The following QRICH1 variants were observed in gnomAD, a reference collection of about 807,000 sequenced individuals.
QRICH1 encodes the protein glutamine rich 1.
QRICH1 carries 16 observed loss-of-function variants against 87.1 expected under a neutral mutation model. That is an observed-to-expected ratio of 0.18 (90% CI 0.12 to 0.28). QRICH1 has a LOEUF of 0.28. Among genes scored for constraint, QRICH1 ranks in the 10% least tolerant of loss-of-function variants. QRICH1 has a pLI of 1.00. For synonymous variants in QRICH1, 367 were observed against 368.4 expected (o/e 1.00, Z 0.05); for missense variants, 647 against 951.7 (o/e 0.68, Z 4.21).
intron 3 of QRICH1, among the ~76,000 whole-genome samples, chr3:49,051,587 C>A (rs926687096): frequency 1.5e-4 from 18 of 122,826 alleles, no homozygotes; most frequent in East Asian, 2.8e-4. Flanking sequence ...CCCCTGCGCC[C>A]CCCCCCCCCT....
In QRICH1 at chr3:49,093,925, TGCCGCCGCCGCC is replaced by T; in HGVS notation, c.-47_-36del. The T allele has an allele frequency of 4.1e-6, 1 of 242,430 alleles. No individual in the cohort carries two copies. The highest frequency in any genetic ancestry group is 7.7e-6 in the Non-Finnish European group (1 of 129,282). 15.0% of individuals were successfully genotyped at this position (242,430 alleles called of 1,614,324 possible). ...TGGAGCCCTCACCCGGCGACGTCAC[TGCCGCCGCCGCC>T]GCCGCCTCCGCTGCACCCGCCGGCC... On this transcript the variant is annotated 5_prime_UTR_variant, in exon 1 of 10. Coordinates refer to ENST00000395443, the MANE Select transcript of QRICH1 (RefSeq NM_198880.3).
intron 1 of QRICH1, among the ~76,000 whole-genome samples, chr3:49,088,542 T>C (rs1451283820): frequency 6.7e-6 from 1 of 148,600 alleles, no homozygotes; most frequent in Non-Finnish European, 1.5e-5. Context: ...AGGTGAGGAG[T>C]TCATTTCCAC....
intron 2 of QRICH1, among the ~76,000 whole-genome samples, chr3:49,065,261 C>G (rs1028660831): frequency 2.0e-5 from 3 of 151,862 alleles, no homozygotes; most frequent in African/African-American, 7.3e-5. Flanking sequence ...TCTCCTGCCT[C>G]AGCCTCCCAA....
At position 49,065,809 on chromosome 3, in the gene QRICH1, T is replaced by C. The variant is rs572732591; in HGVS notation, c.310-7919A>G. On this transcript the variant is annotated intron_variant, in intron 2 of 9. Coordinates refer to ENST00000395443, the MANE Select transcript of QRICH1 (RefSeq NM_198880.3). ...CATTCTCCTGCCTCAGCCTCTCAAGTAGCTGGGACTACAGGCACCCGCCAC... is the reference window on the plus strand; with the variant it reads ...CATTCTCCTGCCTCAGCCTCTCAAGCAGCTGGGACTACAGGCACCCGCCAC... 6.0e-4 allele frequency among the ~76,000 whole-genome samples: 92 copies of C among 152,190 alleles called. 1 individual carries two copies. Among genetic ancestry groups the C allele is most frequent in the African/African-American group, 2.1e-3 (89 of 41,540 alleles).
intron 1 of QRICH1, among the ~76,000 whole-genome samples, chr3:49,089,400 T>C (rs894552941): frequency 6.6e-6 from 1 of 152,162 alleles, no homozygotes; most frequent in Non-Finnish European, 1.5e-5. Context: ...TTTGTATTTT[T>C]CCCAAATATT....
At position 49,081,160 on chromosome 3, in the gene QRICH1, T is replaced by C. The variant is rs34103414; in HGVS notation, c.-21-4122A>G. ...GGCCAGGTGCGGTGGCTCAGGCCTC[T>C]AATCCCAGCACTTTGGGAGGCTGAG... is the stretch of plus-strand genomic sequence containing the variant. On this transcript the variant is annotated intron_variant, in intron 1 of 9. Coordinates refer to ENST00000395443, the MANE Select transcript of QRICH1 (RefSeq NM_198880.3). 1.2e-3 allele frequency among the ~76,000 whole-genome samples: 189 copies of C among 152,212 alleles called. 1 individual carries two copies. Among genetic ancestry groups the C allele is most frequent in the Non-Finnish European group, 2.0e-3 (136 of 68,022 alleles).
rs763953500 is a variant in QRICH1 at position 49,076,972 on chromosome 3, G to A, written c.46C>T (p.Arg16Ter). ...ENTISFEEYI[R>*]VKARSVPQHR... ...TGCGGGACAGACCGTGCCTTTACTC[G>A]GATGTACTCTTCAAAGGAGATGGTG... The change falls in exon 2 of 10, where the codon CGA becomes TGA. Residue 16 changes from arginine (R) to a stop codon, truncating the protein, a stop_gained. Transcript: ENST00000395443. LOFTEE classifies it high-confidence loss of function. 1 of 1,571,898 alleles carries A rather than the reference G, an allele frequency of 6.4e-7. No homozygotes were observed. The highest frequency in any genetic ancestry group is 8.7e-7 in the Non-Finnish European group (1 of 1,153,316).
intron 1 of QRICH1, among the ~76,000 whole-genome samples, chr3:49,084,756 C>T (rs888737062): frequency 6.6e-6 from 1 of 151,212 alleles, no homozygotes; most frequent in Non-Finnish European, 1.5e-5. Context: ...GAGTGAGACT[C>T]CACCTCAAAA....
At chr3:49,082,769 C>T (rs1293860634) in intron 1 of QRICH1, among the ~76,000 whole-genome samples, 1 of 151,804 alleles carries the variant, frequency 6.6e-6, no homozygotes, top group African/African-American at 2.4e-5. Flanking sequence ...GTGGCAGGCG[C>T]CTGTAGTCCC....
chr3:49,066,689 A>G (rs758631291), intron 2 of QRICH1, among the ~76,000 whole-genome samples: 1 of 152,192 alleles, frequency 6.6e-6, no homozygotes, highest in South Asian at 2.1e-4. Context: ...CTGCACCCAG[A>G]TGATTTTTCT....
intron 6 of QRICH1, chr3:49,033,844 G>A (rs528393797): frequency 1.3e-5 from 2 of 152,176 alleles, no homozygotes; most frequent in African/African-American, 2.4e-5. Flanking sequence ...AAAAATAGCC[G>A]GGTGTGGTGG....
intron 1 of QRICH1, among the ~76,000 whole-genome samples, chr3:49,091,939 C>G (rs1361917240): frequency 6.6e-6 from 1 of 151,888 alleles, no homozygotes; most frequent in Non-Finnish European, 1.5e-5. Flanking sequence ...AGGTGTGGTG[C>G]TGCATGCCTG....
At chr3:49,039,096 C>T (rs1317143452) in intron 6 of QRICH1, among the ~76,000 whole-genome samples, 3 of 152,116 alleles carry the variant, frequency 2.0e-5, no homozygotes, top group Admixed American at 6.6e-5. Context: ...GTGGCTCACG[C>T]CTATAATCCC....
At chr3:49,053,869 A>T (rs2093386204) in intron 3 of QRICH1, among the ~76,000 whole-genome samples, 1 of 152,192 alleles carries the variant, frequency 6.6e-6, no homozygotes, top group African/African-American at 2.4e-5. Context: ...CTTAGGGTTC[A>T]ACTTGACTGT....
chr3:49,032,950 G>T, intron 7 of QRICH1, 170 bp downstream of exon 7: 1 of 949,236 alleles, frequency 1.1e-6, no homozygotes, highest in Non-Finnish European at 1.5e-6. Flanking sequence ...TAGGGGTCTG[G>T]CAAGGGTGTT....
chr3:49,069,099 TTATTATTA>T (rs1400745934), intron 2 of QRICH1, among the ~76,000 whole-genome samples: 1 of 85,632 alleles, frequency 1.2e-5, no homozygotes, highest in African/African-American at 5.2e-5. Flanking sequence ...ATTATTATTA[TTATTATTA>T]TTTTTTTTTT....
At chr3:49,070,364 T>C (rs901353542) in intron 2 of QRICH1, among the ~76,000 whole-genome samples, 4 of 151,616 alleles carry the variant, frequency 2.6e-5, no homozygotes, top group Non-Finnish European at 5.9e-5. Context: ...TGTCTACTTA[T>C]TCTCTTTTAT....
At chr3:49,076,647 C>A in intron 2 of QRICH1, 62 bp downstream of exon 2, 1 of 1,395,662 alleles carries the variant, frequency 7.2e-7, no homozygotes, top group Non-Finnish European at 9.5e-7. Flanking sequence ...AGCCCACTAA[C>A]TAAAACACTG....
At chr3:49,047,964 ACTC>A (rs2093348409) in intron 3 of QRICH1, among the ~76,000 whole-genome samples, 2 of 151,890 alleles carry the variant, frequency 1.3e-5, no homozygotes, top group South Asian at 2.1e-4. Context: ...AAACAAAAAA[ACTC>A]CTCAAGTAAA....
Sources: gnomAD v4.1 joint callset for allele counts (sites outside exome capture counted in the v4.1 genomes callset) on GRCh38, gnomAD v4.1.1 for gene constraint, MANE v1.5 for transcripts, NCBI Gene and HGNC (gene_info 2026-07-23, HGNC 2026-07-21) for gene names.